Variants in TASP1 observed in about 807,000 individuals in gnomAD.
TASP1 encodes threonine aspartase 1.
TASP1 carries 16 observed loss-of-function variants against 56.6 expected under a neutral mutation model. The ratio of observed to expected loss-of-function variants is 0.28; its 90% CI spans 0.19 to 0.43. The LOEUF is 0.43. TASP1 is among the 20% of genes least tolerant of loss of function. The pLI is 1.00. For missense variants in TASP1, 393 were observed against 511.6 expected, an observed-to-expected ratio of 0.77 and a Z score of 2.24; for synonymous variants, 179 against 184.2, an observed-to-expected ratio of 0.97 and a Z score of 0.23.
the TASP1 span, among the ~76,000 whole-genome samples, chr20:13,114,933 G>T: frequency 6.6e-6 from 1 of 152,200 alleles, no homozygotes; most frequent in South Asian, 2.1e-4. Flanking sequence ...TAATAGAAAA[G>T]ATATAAAGGA....
At chr20:13,478,264 T>A (rs1051922314) in intron 11 of TASP1, among the ~76,000 whole-genome samples, 1 of 152,102 alleles carries the variant, frequency 6.6e-6, no homozygotes, top group Non-Finnish European at 1.5e-5. Context: ...TGCACTCGTA[T>A]GTGTACCACA....
the TASP1 span, among the ~76,000 whole-genome samples, chr20:13,125,466 C>T: frequency 1.3e-5 from 2 of 152,178 alleles, no homozygotes; most frequent in South Asian, 2.1e-4. Flanking sequence ...TGCCTCCATT[C>T]GTTTTTGCTG....
chr20:13,552,848 G>C (rs77114523), intron 8 of TASP1, among the ~76,000 whole-genome samples: 1 of 152,192 alleles, frequency 6.6e-6, no homozygotes, highest in Non-Finnish European at 1.5e-5. Flanking sequence ...GTAAATATTG[G>C]TTTTACTTTT....
chr20:13,613,156 A>C (rs553531674), intron 4 of TASP1, among the ~76,000 whole-genome samples: 27 of 152,210 alleles, frequency 1.8e-4, no homozygotes, highest in Admixed American at 3.9e-4. Context: ...TGCAACATAG[A>C]AGCCACAAGA....
At chr20:13,323,755 GA>G in the TASP1 span, among the ~76,000 whole-genome samples, 2,337 of 152,042 alleles carry the variant, frequency 0.015, 57 homozygotes, top group African/African-American at 0.053. Flanking sequence ...ATTTATCTTG[GA>G]AAAAAAGCCT....
intron 1 of TASP1, among the ~76,000 whole-genome samples, chr20:13,633,394 C>T (rs1158723740): frequency 2.0e-5 from 3 of 152,014 alleles, no homozygotes; most frequent in Admixed American, 6.5e-5. Context: ...TTGAAACTTT[C>T]GAATTTGAAC....
At chr20:13,387,184 A>ATTTTTTT (rs779048448), downstream of TASP1, among the ~76,000 whole-genome samples, 4 of 70,694 alleles carry the variant, frequency 5.7e-5, no homozygotes, top group African/African-American at 1.3e-4. Context: ...ACATGATTTC[A>ATTTTTTT]TTTTTTTTTT....
intron 5 of TASP1, among the ~76,000 whole-genome samples, chr20:13,584,088 A>T (rs1290479612): frequency 1.3e-5 from 2 of 152,142 alleles, no homozygotes; most frequent in Non-Finnish European, 2.9e-5. Context: ...CATCTCAAAA[A>T]TAAATAAATA....
chr20:13,634,308 T>C (rs1019452141), intron 1 of TASP1, among the ~76,000 whole-genome samples: 1 of 152,144 alleles, frequency 6.6e-6, no homozygotes, highest in Non-Finnish European at 1.5e-5. Context: ...TCCATTTATA[T>C]GAAATGTCCA....
intron 4 of TASP1, among the ~76,000 whole-genome samples, chr20:13,622,376 T>C (rs530962333): frequency 8.5e-5 from 13 of 152,280 alleles, no homozygotes; most frequent in South Asian, 8.3e-4. Context: ...CACATCCCCA[T>C]GTCAGATTCA....
chr20:13,554,143 G>A (rs1290770109), intron 8 of TASP1, among the ~76,000 whole-genome samples: 1 of 152,140 alleles, frequency 6.6e-6, no homozygotes, highest in Non-Finnish European at 1.5e-5. Flanking sequence ...ACATCCATGA[G>A]GCAAAGGTAT....
the TASP1 span, among the ~76,000 whole-genome samples, chr20:13,362,464 G>T: frequency 2.1e-5 from 3 of 141,544 alleles, no homozygotes; most frequent in Admixed American, 7.2e-5. Context: ...GGCTCAAAAA[G>T]CTCCCCCACT....
the TASP1 span, among the ~76,000 whole-genome samples, chr20:13,177,304 T>C: frequency 2.6e-5 from 4 of 151,654 alleles, no homozygotes; most frequent in African/African-American, 9.7e-5. Context: ...GCTCATGGAT[T>C]GGAAGAATTA....
At chr20:13,638,485 TA>T (rs2049394108) in intron 1 of TASP1, among the ~76,000 whole-genome samples, 1 of 151,878 alleles carries the variant, frequency 6.6e-6, no homozygotes, top group Admixed American at 6.6e-5. Context: ...CCTCTATTAC[TA>T]AGTAAGGGGC....
intron 4 of TASP1, among the ~76,000 whole-genome samples, chr20:13,619,819 A>T (rs1008591781): frequency 6.6e-6 from 1 of 152,238 alleles, no homozygotes; most frequent in Non-Finnish European, 1.5e-5. Flanking sequence ...AGTTATTAAG[A>T]TAATCTCAAA....
chr20:13,416,540 G>C, intron 13 of TASP1, among the ~76,000 whole-genome samples: 1 of 152,124 alleles, frequency 6.6e-6, no homozygotes, highest in East Asian at 1.9e-4. Flanking sequence ...AAGCAATAAA[G>C]TGTTCTTTAT....
chr20:13,410,496 T>G (rs182672852), intron 13 of TASP1, among the ~76,000 whole-genome samples: 36 of 152,304 alleles, frequency 2.4e-4, no homozygotes, highest in African/African-American at 7.9e-4. Flanking sequence ...ACCTGCTATA[T>G]TTTGTCTTTT....
At chr20:13,531,562 C>T (rs960361177) in intron 9 of TASP1, among the ~76,000 whole-genome samples, 11 of 150,108 alleles carry the variant, frequency 7.3e-5, no homozygotes, top group Non-Finnish European at 1.3e-4. Context: ...GCATGTTTGG[C>T]TCACTGCAAC....
intron 10 of TASP1, among the ~76,000 whole-genome samples, chr20:13,507,772 T>C (rs1472124048): frequency 1.3e-5 from 2 of 152,098 alleles, no homozygotes; most frequent in African/African-American, 2.4e-5. Context: ...AATTAGCTAA[T>C]GCAATCTTGT....
Sources: gnomAD v4.1 joint callset for allele counts (sites outside exome capture counted in the v4.1 genomes callset) on GRCh38, gnomAD v4.1.1 for gene constraint, MANE v1.5 for transcripts, NCBI Gene and HGNC (gene_info 2026-07-23, HGNC 2026-07-21) for gene names.